LRRTM4: variants seen among roughly 807,000 people sequenced by gnomAD.
LRRTM4 encodes leucine rich repeat transmembrane neuronal 4, also known as leucine-rich repeat transmembrane neuronal protein 4.
LRRTM4 carries 25 observed loss-of-function variants against 47.6 expected under a neutral mutation model. That is an observed-to-expected ratio of 0.53 (90% CI 0.38 to 0.73). LRRTM4 has a LOEUF of 0.73. LRRTM4 is among the 30% of genes least tolerant of loss of function. LRRTM4 has a pLI of 0.00. For synonymous variants in LRRTM4, 311 were observed against 269.5 expected (o/e 1.15, Z -1.51); for missense variants, 638 against 713.4 (o/e 0.89, Z 1.20).
At chr2:77,084,269 T>C (rs1372992110) in intron 3 of LRRTM4, among the ~76,000 whole-genome samples, 4 of 152,162 alleles carry the variant, frequency 2.6e-5, no homozygotes, top group African/African-American at 9.7e-5. Flanking sequence ...ACACTTGTAA[T>C]ATGGGATGTG....
At chr2:76,960,183 T>A (rs920127731) in intron 3 of LRRTM4, among the ~76,000 whole-genome samples, 13 of 151,400 alleles carry the variant, frequency 8.6e-5, no homozygotes, top group East Asian at 2.0e-4. Context: ...AAAAAAAAAA[T>A]TATTCCACAT....
intron 3 of LRRTM4, among the ~76,000 whole-genome samples, chr2:77,034,457 A>G (rs1405456420): frequency 6.6e-6 from 1 of 151,922 alleles, no homozygotes; most frequent in Non-Finnish European, 1.5e-5. Flanking sequence ...ATCTTGCTCA[A>G]TTTTTAAAAA....
chr2:77,136,033 T>C (rs1312168633), intron 3 of LRRTM4, among the ~76,000 whole-genome samples: 1 of 152,164 alleles, frequency 6.6e-6, no homozygotes, highest in South Asian at 2.1e-4. Flanking sequence ...GGTTCCAAGA[T>C]GGCCGAATAG....
intron 3 of LRRTM4, among the ~76,000 whole-genome samples, chr2:77,044,664 CAT>C (rs1227753613): frequency 6.6e-6 from 1 of 151,340 alleles, no homozygotes; most frequent in Non-Finnish European, 1.5e-5. Flanking sequence ...CAAACACACA[CAT>C]ACACATATAC....
At chr2:77,021,191 GAT>G (rs151123853) in intron 3 of LRRTM4, among the ~76,000 whole-genome samples, 4 of 151,544 alleles carry the variant, frequency 2.6e-5, no homozygotes, top group Non-Finnish European at 4.4e-5. Context: ...TATAATCAGT[GAT>G]ATATATATAT....
intron 3 of LRRTM4, among the ~76,000 whole-genome samples, chr2:77,492,490 C>T (rs1224227436): frequency 6.6e-6 from 1 of 152,078 alleles, no homozygotes; most frequent in Admixed American, 6.6e-5. Context: ...AACTCCTGGC[C>T]TCAAGAGAAG....
At chr2:77,099,153 C>T (rs1031914925) in intron 3 of LRRTM4, among the ~76,000 whole-genome samples, 2 of 151,792 alleles carry the variant, frequency 1.3e-5, no homozygotes, top group East Asian at 3.9e-4. Context: ...CAAGAATGTT[C>T]ACAACGGTAT....
At chr2:76,980,270 C>T (rs1337452709) in intron 3 of LRRTM4, among the ~76,000 whole-genome samples, 1 of 152,048 alleles carries the variant, frequency 6.6e-6, no homozygotes, top group Admixed American at 6.6e-5. Context: ...GAAGCTTCTG[C>T]TGAGTTCCAG....
chr2:77,449,610 A>C (rs1676179457), intron 3 of LRRTM4, among the ~76,000 whole-genome samples: 1 of 152,146 alleles, frequency 6.6e-6, no homozygotes, highest in Admixed American at 6.5e-5. Context: ...TGCCAGTTTG[A>C]AGCACCCTCC....
intron 3 of LRRTM4, among the ~76,000 whole-genome samples, chr2:77,096,017 G>T (rs1056324242): frequency 3.9e-5 from 6 of 152,072 alleles, no homozygotes; most frequent in Admixed American, 6.5e-5. Flanking sequence ...AAAAAAAGAG[G>T]TTTTAATGTT....
Position 77,339,162 on chromosome 2 carries a change from G to A in LRRTM4, c.1551+179156C>T, listed in dbSNP as rs544714712. Among the ~76,000 whole-genome samples the A allele has an allele frequency of 2.6e-5, 4 of 151,966 alleles. No individual in the cohort carries two copies. In the South Asian group the frequency reaches 8.3e-4, roughly 31 times the overall value. ...CCTTTTGAGTACTGTGTTCACTTTT[G>A]GGTGATGGGATCAACAGAAGCCCAA... is the stretch of plus-strand genomic sequence containing the variant. On this transcript the variant is annotated intron_variant, in intron 3 of 3. Coordinates refer to ENST00000409884, the MANE Select transcript of LRRTM4 (RefSeq NM_001134745.3).
intron 3 of LRRTM4, among the ~76,000 whole-genome samples, chr2:76,810,095 A>C (rs1036048556): frequency 1.3e-5 from 2 of 152,218 alleles, no homozygotes; most frequent in African/African-American, 4.8e-5. Context: ...CTAGAATGTA[A>C]ATGAAATGAA....
chr2:77,299,273 ACACAC>A (rs1478068047), intron 3 of LRRTM4, among the ~76,000 whole-genome samples: 3 of 83,334 alleles, frequency 3.6e-5, no homozygotes, highest in Admixed American at 2.8e-4. Flanking sequence ...ACACACACAC[ACACAC>A]ACACACACAC....
intron 3 of LRRTM4, among the ~76,000 whole-genome samples, chr2:76,950,334 G>A (rs1675455659): frequency 6.6e-6 from 1 of 151,884 alleles, no homozygotes; most frequent in African/African-American, 2.4e-5. Context: ...TTCAGGTATT[G>A]GGATGGAGTC....
intron 3 of LRRTM4, among the ~76,000 whole-genome samples, chr2:77,509,669 ATCAT>A (rs1289688764): frequency 6.6e-6 from 1 of 152,190 alleles, no homozygotes. Flanking sequence ...ATGGTTAATA[ATCAT>A]TCATATTTAC....
chr2:77,296,406 C>T (rs1676974378), intron 3 of LRRTM4, among the ~76,000 whole-genome samples: 1 of 152,012 alleles, frequency 6.6e-6, no homozygotes, highest in South Asian at 2.1e-4. Context: ...TATTCAGTAA[C>T]AGTATCATTA....
intron 3 of LRRTM4, among the ~76,000 whole-genome samples, chr2:77,495,472 C>G (rs762902686): frequency 1.3e-5 from 2 of 151,980 alleles, no homozygotes; most frequent in Non-Finnish European, 2.9e-5. Flanking sequence ...ACTTGCCTAA[C>G]GTAAGGTCAC....
At chr2:77,159,396 T>C (rs10184118) in intron 3 of LRRTM4, among the ~76,000 whole-genome samples, 58,514 of 151,640 alleles carry the variant, frequency 0.39, 11,289 homozygotes, top group African/African-American at 0.4. Flanking sequence ...GGAGGAGGGA[T>C]AGCATTAGGA....
At chr2:77,140,231 A>T (rs1232171800) in intron 3 of LRRTM4, among the ~76,000 whole-genome samples, 1 of 152,172 alleles carries the variant, frequency 6.6e-6, no homozygotes, top group Non-Finnish European at 1.5e-5. Flanking sequence ...ACTATACTAA[A>T]ATGCTATAGT....
Sources: allele counts gnomAD v4.1 joint callset (sites outside exome capture counted in the v4.1 genomes callset), GRCh38; gene constraint gnomAD v4.1.1; transcripts MANE v1.5; gene names NCBI Gene and HGNC (gene_info 2026-07-23, HGNC 2026-07-21).